Variants in GRIA2 observed in about 807,000 individuals in gnomAD.
GRIA2 encodes the protein glutamate ionotropic receptor AMPA type subunit 2.
GRIA2 carries 14 observed loss-of-function variants against 97.3 expected under a neutral mutation model. The ratio of observed to expected loss-of-function variants is 0.14; its 90% CI spans 0.10 to 0.23. The LOEUF is 0.23. Among genes scored for constraint, GRIA2 ranks in the 10% least tolerant of loss-of-function variants. The pLI is 1.00. For missense variants in GRIA2, 558 were observed against 1,069.8 expected (o/e 0.52, Z 6.67); for synonymous variants, 412 against 387.8 (o/e 1.06, Z -0.73).
chr4:157,279,513 C>G (rs1732498934), intron 2 of GRIA2, among the ~76,000 whole-genome samples: 1 of 152,142 alleles, frequency 6.6e-6, no homozygotes, highest in Non-Finnish European at 1.5e-5. Context: ...AATGTAGATT[C>G]ATTAATTGTA....
intron 2 of GRIA2, among the ~76,000 whole-genome samples, chr4:157,280,925 C>G (rs1322912345): frequency 6.6e-6 from 1 of 151,930 alleles, no homozygotes; most frequent in Non-Finnish European, 1.5e-5. Flanking sequence ...ACACATATTA[C>G]ACACACTCCA....
At chr4:157,324,134 C>A (rs541527037) in intron 6 of GRIA2, among the ~76,000 whole-genome samples, 17 of 152,194 alleles carry the variant, frequency 1.1e-4, no homozygotes, top group African/African-American at 3.9e-4. Flanking sequence ...TTTGTTTTCC[C>A]AGCCATTTCC....
intron 2 of GRIA2, among the ~76,000 whole-genome samples, chr4:157,251,607 T>C (rs1209534105): frequency 3.3e-5 from 5 of 152,274 alleles, no homozygotes; most frequent in Non-Finnish European, 5.9e-5. Context: ...TGTTCACTAT[T>C]AATGTTGACA....
rs1560740970 is a variant in GRIA2, at chr4:157,274,283, G to C, written c.230-29269G>C. 4.6e-5 allele frequency among the ~76,000 whole-genome samples: 7 copies of C among 151,620 alleles called. No homozygotes were observed. The South Asian group carries it at 1.5e-3, about 32-fold the overall frequency. ...AGATATGCAGATTTACATAAAGAAA[G>C]GAATTCCATTGCAGAAGGAATAATG... On this transcript the variant is annotated intron_variant, in intron 2 of 15. Coordinates refer to ENST00000264426, the MANE Select transcript of GRIA2 (RefSeq NM_001083619.3).
intron 2 of GRIA2, among the ~76,000 whole-genome samples, chr4:157,236,290 A>C (rs1352432071): frequency 6.6e-6 from 1 of 152,074 alleles, no homozygotes; most frequent in African/African-American, 2.4e-5. Flanking sequence ...CGGGGATATA[A>C]TAAATATTGT....
At chr4:157,268,141 C>T (rs760056623) in intron 2 of GRIA2, among the ~76,000 whole-genome samples, 8 of 151,948 alleles carry the variant, frequency 5.3e-5, no homozygotes, top group Admixed American at 1.3e-4. Context: ...GATTCATAAA[C>T]GAGACAGGTC....
Position 157,321,613 on chromosome 4 carries a change from TC to T in GRIA2, c.882+15del. On this transcript the variant is annotated intron_variant, in intron 6 of 15. Transcript: ENST00000264426. ...ACAACAATTAAGGTTTGCTTTGGTT[TC>T]TGTCTTTTCTTTTTCTTTCATATGT... 4 of 1,582,836 alleles carry T rather than the reference TC, an allele frequency of 2.5e-6. No homozygotes were observed. Among genetic ancestry groups the T allele is most frequent in the Non-Finnish European group, 3.4e-6 (4 of 1,161,992 alleles).
At chr4:157,278,873 A>G (rs1053654577) in intron 2 of GRIA2, among the ~76,000 whole-genome samples, 1 of 152,092 alleles carries the variant, frequency 6.6e-6, no homozygotes, top group Non-Finnish European at 1.5e-5. Context: ...AAGCATATAA[A>G]AAGACTTTCC....
intron 6 of GRIA2, among the ~76,000 whole-genome samples, chr4:157,328,976 C>T (rs1734928839): frequency 6.6e-6 from 1 of 151,816 alleles, no homozygotes; most frequent in Non-Finnish European, 1.5e-5. Flanking sequence ...GATTTTTATG[C>T]CTTTATGCAG....
In GRIA2 at chr4:157,276,321, T is replaced by A. The variant is rs1322244369; in HGVS notation, c.230-27231T>A. Among the ~76,000 whole-genome samples, 8 of 152,204 alleles carry A rather than the reference T, an allele frequency of 5.3e-5. No homozygotes were observed. The East Asian group carries it at 1.4e-3, about 26-fold the overall frequency. ...GTCAAAGAAGAAATCTCAACATAAA[T>A]TTTAAAATATTTTGAAAATGAAAAT... On this transcript the variant is annotated intron_variant, in intron 2 of 15. Transcript: ENST00000264426.
At chr4:157,240,127 AAAT>A (rs1334554693) in intron 2 of GRIA2, among the ~76,000 whole-genome samples, 3 of 152,174 alleles carry the variant, frequency 2.0e-5, no homozygotes, top group Non-Finnish European at 4.4e-5. Context: ...ACAAGTTTTA[AAAT>A]AATAAATCAT....
intron 4 of GRIA2, among the ~76,000 whole-genome samples, chr4:157,315,929 T>G (rs1734299640): frequency 6.6e-6 from 1 of 152,206 alleles, no homozygotes; most frequent in Admixed American, 6.5e-5. Flanking sequence ...TAAATTAATA[T>G]AACTTTTCCA....
At chr4:157,343,981 T>C (rs1403619286) in intron 12 of GRIA2, among the ~76,000 whole-genome samples, 2 of 152,078 alleles carry the variant, frequency 1.3e-5, no homozygotes, top group African/African-American at 4.8e-5. Flanking sequence ...GTTCTCAAAA[T>C]GTTTTCTAGG....
At chr4:157,306,640 G>A (rs1215305575) in intron 3 of GRIA2, among the ~76,000 whole-genome samples, 1 of 152,112 alleles carries the variant, frequency 6.6e-6, no homozygotes, top group Admixed American at 6.6e-5. Flanking sequence ...ACATAAATAT[G>A]TAAGACTCTC....
chr4:157,250,158 T>A (rs1406327141), intron 2 of GRIA2, among the ~76,000 whole-genome samples: 1 of 152,118 alleles, frequency 6.6e-6, no homozygotes, highest in African/African-American at 2.4e-5. Context: ...CAGCTTTAAG[T>A]TGAAGATACA....
intron 5 of GRIA2, among the ~76,000 whole-genome samples, chr4:157,318,070 T>A (rs1042534884): frequency 6.6e-6 from 1 of 152,170 alleles, no homozygotes; most frequent in South Asian, 2.1e-4. Flanking sequence ...CTTTGCATCT[T>A]CTAATCAATT....
chr4:157,353,675 T>C (rs1473026153), intron 12 of GRIA2, among the ~76,000 whole-genome samples: 1 of 151,992 alleles, frequency 6.6e-6, no homozygotes, highest in East Asian at 1.9e-4. Context: ...AGAGCCAGAC[T>C]CCGTCTCAAA....
At chr4:157,259,106 T>G (rs1483533712) in intron 2 of GRIA2, among the ~76,000 whole-genome samples, 1 of 152,064 alleles carries the variant, frequency 6.6e-6, no homozygotes, top group African/African-American at 2.4e-5. Context: ...TGTGCACCTG[T>G]GGTCCCACCT....
At position 157,335,673 on chromosome 4, in the gene GRIA2, A is replaced by C. The variant is rs971861997; in HGVS notation, c.1269A>C (p.Glu423Asp). 2 of 1,583,866 alleles carry C rather than the reference A, an allele frequency of 1.3e-6. No individual in the cohort carries two copies. The highest frequency in any genetic ancestry group is 1.7e-6 in the Non-Finnish European group (2 of 1,152,892). ...NKTVVVTTIL[E>D]SPYVMMKKNH... is the part of the protein sequence containing the mutation. ...TAAAGCAAAGTCTTTTCATATAGGA[A>C]TCTCCGTATGTTATGATGAAGAAAA... is the stretch of plus-strand genomic sequence containing the variant. Residue 423 changes from glutamate to aspartate, a missense_variant and splice_region_variant, in exon 10 of 16, where the codon GAA becomes GAC. Glu to Asp is a conservative substitution (Grantham distance 45). This residue lies in a region of GRIA2 where 66 missense variants were observed against 118.7 expected (regional missense o/e 0.56). Coordinates refer to ENST00000264426, the MANE Select transcript of GRIA2 (RefSeq NM_001083619.3).
Sources: allele counts gnomAD v4.1 joint callset (sites outside exome capture counted in the v4.1 genomes callset), GRCh38; gene constraint gnomAD v4.1.1; regional missense constraint gnomAD v4.1.1; transcripts MANE v1.5; gene names NCBI Gene and HGNC (gene_info 2026-07-23, HGNC 2026-07-21).